PPARGC1B: variants seen among roughly 807,000 people sequenced by gnomAD.
PPARGC1B encodes peroxisome proliferator-activated receptor gamma coactivator 1-beta.
Under a neutral mutation model 101.6 loss-of-function variants are expected in PPARGC1B, and 34 were observed. The ratio of observed to expected loss-of-function variants is 0.33; its 90% CI spans 0.25 to 0.45. The LOEUF is 0.45. Ranked by LOEUF, PPARGC1B falls within the 20% of genes least tolerant of loss-of-function variation. The pLI, the probability that PPARGC1B is intolerant of heterozygous loss-of-function variation, is 1.00. For missense variants in PPARGC1B, 1,234 were observed against 1,317.6 expected, an observed-to-expected ratio of 0.94 and a Z score of 0.98; for synonymous variants, 548 against 539.3, an observed-to-expected ratio of 1.02 and a Z score of -0.22.
chr5:149,810,518 C>T (rs575263718), intron 1 of PPARGC1B, among the ~76,000 whole-genome samples: 1 of 152,348 alleles, frequency 6.6e-6, no homozygotes, highest in East Asian at 1.9e-4. Flanking sequence ...CCCGACACAG[C>T]AACGAGAGAC....
Position 149,834,811 on chromosome 5 carries a change from C to T in PPARGC1B, c.1742+101C>T. 2.8e-6 allele frequency: 3 copies of T among 1,078,576 alleles called. No individual in the cohort carries two copies. The Admixed American group carries it at 5.4e-5, about 19-fold the overall frequency. The allele number at this position is 1,078,576 out of a possible 1,614,324, so 66.8% of individuals were successfully genotyped here. A position where few individuals can be genotyped will look rare whatever the true frequency, so the allele number is the denominator to read the frequency against. ...GGGATTCATCAGCGCCCACCCCTGG[C>T]CCCGGCCCCACACCCTGTGCCCTGA... On this transcript the variant is annotated intron_variant, in intron 6 of 11. Transcript: ENST00000309241.
At chr5:149,747,820 G>A (rs1751150760) in intron 1 of PPARGC1B, among the ~76,000 whole-genome samples, 1 of 152,176 alleles carries the variant, frequency 6.6e-6, no homozygotes, top group African/African-American at 2.4e-5. Context: ...GTGGACCATG[G>A]GCAGGCACCA....
chr5:149,782,217 G>A (rs1326511661), intron 1 of PPARGC1B, among the ~76,000 whole-genome samples: 1 of 152,140 alleles, frequency 6.6e-6, no homozygotes, highest in African/African-American at 2.4e-5. Flanking sequence ...GGGTTGGGTG[G>A]CCCTGGCTTG....
At chr5:149,812,272 A>C (rs917979606) in intron 1 of PPARGC1B, among the ~76,000 whole-genome samples, 12 of 151,922 alleles carry the variant, frequency 7.9e-5, no homozygotes, top group African/African-American at 2.9e-4. Context: ...CTGTCTACTT[A>C]TTTTGTCTGG....
chr5:149,733,775 A>C (rs1040321360), intron 1 of PPARGC1B, among the ~76,000 whole-genome samples: 12 of 152,238 alleles, frequency 7.9e-5, no homozygotes, highest in Non-Finnish European at 1.3e-4. Context: ...TCCACACTAA[A>C]TATGGGCTAT....
chr5:149,808,510 G>A (rs1355356323), intron 1 of PPARGC1B, among the ~76,000 whole-genome samples: 3 of 151,288 alleles, frequency 2.0e-5, no homozygotes, highest in East Asian at 1.9e-4. Flanking sequence ...TGGTTTGTGT[G>A]ATCATGTATC....
chr5:149,818,497 G>T (rs78584761), intron 1 of PPARGC1B, among the ~76,000 whole-genome samples: 7,012 of 152,220 alleles, frequency 0.046, 308 homozygotes, highest in Admixed American at 0.14. Context: ...GCCTGTTGCC[G>T]CCTGTGTAGG....
At chr5:149,790,408 C>T (rs926805023) in intron 1 of PPARGC1B, among the ~76,000 whole-genome samples, 2 of 152,104 alleles carry the variant, frequency 1.3e-5, no homozygotes, top group Non-Finnish European at 2.9e-5. Flanking sequence ...TCCGCTCTCA[C>T]CCCTGCACAC....
intron 1 of PPARGC1B, among the ~76,000 whole-genome samples, chr5:149,744,928 A>C: frequency 1.2e-5 from 1 of 83,510 alleles, no homozygotes. Context: ...TTTTTTTTTG[A>C]GACAGGGTCT....
intron 1 of PPARGC1B, among the ~76,000 whole-genome samples, chr5:149,750,454 AT>A (rs1755248605): frequency 0.21 from 281 of 1,350 alleles, 6 homozygotes; most frequent in African/African-American, 0.31. Flanking sequence ...TTTAGTTAAA[AT>A]ATATATATAT....
chr5:149,765,570 C>T (rs1197778695), intron 1 of PPARGC1B, among the ~76,000 whole-genome samples: 2 of 152,120 alleles, frequency 1.3e-5, no homozygotes, highest in African/African-American at 4.8e-5. Context: ...GTCACTCCAC[C>T]CCTCTGAGAC....
chr5:149,769,589 T>A (rs192354129), intron 1 of PPARGC1B, among the ~76,000 whole-genome samples: 1 of 152,274 alleles, frequency 6.6e-6, no homozygotes, highest in East Asian at 1.9e-4. Flanking sequence ...ATACGTTGAA[T>A]GGGGGCTGTA....
chr5:149,857,157 C>T (rs1759976291), downstream of PPARGC1B, among the ~76,000 whole-genome samples: 1 of 152,154 alleles, frequency 6.6e-6, no homozygotes. Flanking sequence ...TAAGTCTGCT[C>T]CTCACCATGT....
chr5:149,750,768 C>G (rs989156173), intron 1 of PPARGC1B, among the ~76,000 whole-genome samples: 6 of 152,192 alleles, frequency 3.9e-5, no homozygotes, highest in African/African-American at 1.4e-4. Context: ...ATCTCTGGCC[C>G]GCACCAGCTG....
At chr5:149,733,948 T>C (rs1370013698) in intron 1 of PPARGC1B, among the ~76,000 whole-genome samples, 1 of 152,208 alleles carries the variant, frequency 6.6e-6, no homozygotes, top group Non-Finnish European at 1.5e-5. Flanking sequence ...ATATGTAACA[T>C]GACCCAAAGA....
At chr5:149,747,032 C>A (rs1015934140) in intron 1 of PPARGC1B, among the ~76,000 whole-genome samples, 2 of 152,166 alleles carry the variant, frequency 1.3e-5, no homozygotes, top group South Asian at 4.2e-4. Context: ...ATATTTTCTC[C>A]CATTCTATGT....
At chr5:149,767,767 G>A (rs72830221) in intron 1 of PPARGC1B, among the ~76,000 whole-genome samples, 49,547 of 151,138 alleles carry the variant, frequency 0.33, 8,609 homozygotes, top group Non-Finnish European at 0.38. Flanking sequence ...TACACCAGCG[G>A]TCTCCAACTT....
At chr5:149,748,524 G>T (rs1755170362) in intron 1 of PPARGC1B, among the ~76,000 whole-genome samples, 1 of 152,158 alleles carries the variant, frequency 6.6e-6, no homozygotes, top group Admixed American at 6.5e-5. Flanking sequence ...GCAGATTTGA[G>T]CAAGCCTTGC....
At position 149,853,770 on chromosome 5, in the gene PPARGC1B, A is replaced by G. The variant is rs2113471089; in HGVS notation, c.*6212A>G. ...GAGGGATGTTCTGATTCCAATGGAA[A>G]CAGGTGGGAAATCTCAAGGGGAGCG... On this transcript the variant is annotated 3_prime_UTR_variant, in exon 12 of 12. Coordinates refer to ENST00000309241, the MANE Select transcript of PPARGC1B (RefSeq NM_133263.4). The surrounding 1 kb of genome is among the most constrained non-coding windows in gnomAD (Gnocchi z 4.2). 1 of 152,374 alleles carries G rather than the reference A, an allele frequency of 6.6e-6. No homozygotes were observed. The highest frequency in any genetic ancestry group is 1.5e-5 in the Non-Finnish European group (1 of 68,040). 9.4% of individuals were successfully genotyped at this position (152,374 alleles called of 1,614,324 possible).
Sources: allele counts gnomAD v4.1 joint callset (sites outside exome capture counted in the v4.1 genomes callset), GRCh38; gene constraint gnomAD v4.1.1; non-coding constraint Gnocchi (gnomAD v3.1); transcripts MANE v1.5; gene names NCBI Gene and HGNC (gene_info 2026-07-23, HGNC 2026-07-21).